The following CEP70 variants were observed in gnomAD, a reference collection of about 807,000 sequenced individuals.
CEP70 encodes the protein centrosomal protein 70.
Under a neutral mutation model 90.9 loss-of-function variants are expected in CEP70, and 70 were observed. The ratio of observed to expected loss-of-function variants is 0.77; its 90% CI spans 0.64 to 0.94. The LOEUF is 0.94. Ranked by LOEUF, CEP70 falls within the 40% of genes least tolerant of loss-of-function variation. The pLI is 0.00. For missense variants in CEP70, 648 were observed against 669.0 expected (o/e 0.97, Z 0.35); for synonymous variants, 220 against 228.3 (o/e 0.96, Z 0.33).
chr3:138,509,109 A>C (rs1431628608), intron 11 of CEP70, among the ~76,000 whole-genome samples: 2 of 152,176 alleles, frequency 1.3e-5, no homozygotes, highest in Admixed American at 1.3e-4. Context: ...ATTAGAAGGA[A>C]TCTCTGAAGA....
chr3:138,495,091 C>G lies in CEP70; in HGVS notation c.1733-15G>C, dbSNP rs374732766. 103 of 1,495,346 alleles carry G rather than the reference C, an allele frequency of 6.9e-5. No individual in the cohort carries two copies. In the East Asian group the frequency reaches 1.6e-3, roughly 23 times the overall value. The allele number at this position is 1,495,346 out of a possible 1,614,324, so 92.6% of individuals were successfully genotyped here. ...GTCATCAATTTCTGTAATACAAAAA[C>G]AGTAATAATAAAAGAGAGTAACTTT... is the stretch of plus-strand genomic sequence containing the variant. On this transcript the variant is annotated splice_polypyrimidine_tract_variant and intron_variant, in intron 17 of 17. Coordinates refer to ENST00000264982, the MANE Select transcript of CEP70 (RefSeq NM_024491.4).
At chr3:138,529,124 C>G (rs2037563681) in intron 10 of CEP70, 75 bp downstream of exon 10, 5 of 838,554 alleles carry the variant, frequency 6.0e-6, no homozygotes, top group Non-Finnish European at 9.5e-6. Flanking sequence ...CGTGATCACA[C>G]CACTGCACTT....
intron 13 of CEP70, among the ~76,000 whole-genome samples, chr3:138,502,965 CA>C (rs903114262): frequency 7.2e-5 from 11 of 152,304 alleles, no homozygotes; most frequent in African/African-American, 2.6e-4. Flanking sequence ...GGAAAAGACA[CA>C]AGGCTGGAGG....
chr3:138,523,723 G>T (rs1231870959), intron 11 of CEP70, among the ~76,000 whole-genome samples: 1 of 152,172 alleles, frequency 6.6e-6, no homozygotes, highest in East Asian at 1.9e-4. Flanking sequence ...TGAAATAAAA[G>T]AGGATACAAA....
chr3:138,578,956 G>A (rs1560453811), intron 2 of CEP70, among the ~76,000 whole-genome samples: 1 of 152,220 alleles, frequency 6.6e-6, no homozygotes, highest in African/African-American at 2.4e-5. Context: ...AACTTCATAT[G>A]GCTGAAAGAG....
intron 11 of CEP70, among the ~76,000 whole-genome samples, chr3:138,509,983 T>C (rs2035366908): frequency 6.6e-6 from 1 of 152,166 alleles, no homozygotes; most frequent in East Asian, 1.9e-4. Context: ...AGTCATGAAG[T>C]GTGTCCTTTA....
intron 6 of CEP70, among the ~76,000 whole-genome samples, chr3:138,538,470 G>A (rs1361920095): frequency 5.9e-5 from 9 of 152,148 alleles, no homozygotes. Context: ...GTACCAAGAA[G>A]GAAGCAGTGA....
intron 3 of CEP70, 40 bp from the exon 4 acceptor site, chr3:138,571,396 AT>A: frequency 7.7e-7 from 1 of 1,306,688 alleles, no homozygotes; most frequent in Non-Finnish European, 1.1e-6. Context: ...AACTTTAGAT[AT>A]AAAGTGAAGA....
At chr3:138,541,187 G>A (rs2038734479) in intron 6 of CEP70, among the ~76,000 whole-genome samples, 1 of 152,080 alleles carries the variant, frequency 6.6e-6, no homozygotes, top group South Asian at 2.1e-4. Flanking sequence ...AATGAAACAA[G>A]TTTACCTACG....
chr3:138,495,925 A>G, intron 17 of CEP70: 1 of 985,406 alleles, frequency 1.0e-6, no homozygotes, highest in Non-Finnish European at 1.2e-6. Context: ...ACAATATATT[A>G]TAGAGCTTAG....
chr3:138,590,333 A>G (rs1238967918), intron 2 of CEP70, among the ~76,000 whole-genome samples: 2 of 152,172 alleles, frequency 1.3e-5, no homozygotes, highest in Non-Finnish European at 2.9e-5. Flanking sequence ...TGTAATCTCA[A>G]TCTGAAGACT....
intron 2 of CEP70, among the ~76,000 whole-genome samples, chr3:138,574,550 GA>G (rs1017418106): frequency 6.6e-5 from 10 of 152,360 alleles, no homozygotes; most frequent in African/African-American, 2.4e-4. Flanking sequence ...AACTTCTGCA[GA>G]CTTAAATGTC....
intron 16 of CEP70, among the ~76,000 whole-genome samples, chr3:138,498,679 G>T (rs1450443867): frequency 6.6e-6 from 1 of 151,976 alleles, no homozygotes; most frequent in East Asian, 1.9e-4. Flanking sequence ...TAAGCTCAAG[G>T]CTTCTTAGAT....
At chr3:138,531,645 AAGTTGCTTTTTAATT>A (rs1459922026) in intron 8 of CEP70, 1 of 151,694 alleles carries the variant, frequency 6.6e-6, no homozygotes, top group African/African-American at 2.4e-5. Context: ...ATAAAGCAAG[AAGTTGCTTTTTAATT>A]AGTTGCTCTC....
At chr3:138,545,556 C>G (rs563047172) in intron 6 of CEP70, among the ~76,000 whole-genome samples, 102 of 152,146 alleles carry the variant, frequency 6.7e-4, no homozygotes, top group South Asian at 1.7e-3. Context: ...TTTCAGGGAA[C>G]AAGGAAAGAC....
At chr3:138,537,506 A>G (rs1227401630) in intron 6 of CEP70, among the ~76,000 whole-genome samples, 159 bp from the exon 7 acceptor site, 3 of 152,230 alleles carry the variant, frequency 2.0e-5, no homozygotes, top group African/African-American at 4.8e-5. Context: ...AAGCTCCAGG[A>G]ACATTAATAT....
At chr3:138,540,078 C>A (rs191820875) in intron 6 of CEP70, among the ~76,000 whole-genome samples, 34 of 152,248 alleles carry the variant, frequency 2.2e-4, no homozygotes, top group Non-Finnish European at 4.7e-4. Context: ...AAAGGTCTAA[C>A]GGCCAGCATC....
chr3:138,508,324 A>T, intron 12 of CEP70, 115 bp downstream of exon 12: 1 of 716,248 alleles, frequency 1.4e-6, no homozygotes, highest in Non-Finnish European at 2.5e-6. Context: ...GAATAAGTAC[A>T]CATAAATATG....
chr3:138,518,047 G>C (rs1475427933), intron 11 of CEP70, among the ~76,000 whole-genome samples: 1 of 152,214 alleles, frequency 6.6e-6, no homozygotes, highest in Non-Finnish European at 1.5e-5. Context: ...CCCGCACCTG[G>C]CTTGGAGGGT....
Sources: allele counts gnomAD v4.1 joint callset (sites outside exome capture counted in the v4.1 genomes callset), GRCh38; gene constraint gnomAD v4.1.1; transcripts MANE v1.5; gene names NCBI Gene and HGNC (gene_info 2026-07-23, HGNC 2026-07-21).